Variants in HYCC1 observed in about 807,000 individuals in gnomAD.
The protein encoded by HYCC1 is hyccin PI4KA lipid kinase complex subunit 1.
chr7:22,945,914 T>C, the HYCC1 span: 7 of 1,613,926 alleles, frequency 4.3e-6, no homozygotes, highest in East Asian at 1.6e-4. Context: ...ATTCTCACTT[T>C]GGGCTCTCTG....
the HYCC1 span, among the ~76,000 whole-genome samples, chr7:22,904,376 A>T: frequency 1.3e-5 from 2 of 151,068 alleles, no homozygotes; most frequent in Non-Finnish European, 2.9e-5. Flanking sequence ...GCTTGTAGTG[A>T]GCTGAGATCG....
At chr7:22,986,771 C>T in the HYCC1 span, among the ~76,000 whole-genome samples, 1 of 152,154 alleles carries the variant, frequency 6.6e-6, no homozygotes. Context: ...TCGCTTGAAC[C>T]CGGGAGGCAG....
At chr7:22,978,571 T>A in the HYCC1 span, 1 of 815,076 alleles carries the variant, frequency 1.2e-6, no homozygotes, top group Non-Finnish European at 2.0e-6. Context: ...TTAAAATAGC[T>A]AAGTTGTAGG....
At chr7:23,001,652 C>T in the HYCC1 span, among the ~76,000 whole-genome samples, 1 of 152,164 alleles carries the variant, frequency 6.6e-6, no homozygotes, top group South Asian at 2.1e-4. Flanking sequence ...TACTTAGACC[C>T]AGCTCTGCCA....
chr7:22,999,804 T>G, the HYCC1 span, among the ~76,000 whole-genome samples: 1 of 152,174 alleles, frequency 6.6e-6, no homozygotes, highest in Non-Finnish European at 1.5e-5. Context: ...AAATATGATC[T>G]GTGTCCTCAA....
chr7:22,906,645 T>C, the HYCC1 span, among the ~76,000 whole-genome samples: 2 of 151,310 alleles, frequency 1.3e-5, no homozygotes, highest in East Asian at 3.9e-4. Flanking sequence ...AATATACTAG[T>C]ATAAAATATT....
At chr7:23,005,454 G>A in the HYCC1 span, among the ~76,000 whole-genome samples, 2 of 152,128 alleles carry the variant, frequency 1.3e-5, no homozygotes, top group African/African-American at 4.8e-5. Flanking sequence ...TGTATTTTAT[G>A]ATCTTATAGT....
the HYCC1 span, among the ~76,000 whole-genome samples, chr7:22,899,397 C>T: frequency 3.3e-5 from 5 of 152,056 alleles, no homozygotes; most frequent in Admixed American, 2.0e-4. Flanking sequence ...ACTACCTTCT[C>T]GGAAGGTTAA....
the HYCC1 span, among the ~76,000 whole-genome samples, chr7:22,962,511 G>A: frequency 6.6e-6 from 1 of 151,820 alleles, no homozygotes; most frequent in Non-Finnish European, 1.5e-5. Context: ...AAAGCCTTTG[G>A]GGAAAGAGCA....
chr7:22,995,566 C>T, the HYCC1 span, among the ~76,000 whole-genome samples: 6 of 152,098 alleles, frequency 3.9e-5, no homozygotes, highest in Non-Finnish European at 5.9e-5. Context: ...ATGGCCAAAG[C>T]TGGAACAATC....
the HYCC1 span, chr7:22,934,926 T>C: frequency 6.6e-6 from 1 of 152,184 alleles, no homozygotes; most frequent in African/African-American, 2.4e-5. Flanking sequence ...GCATAAACCA[T>C]GTTGTTTATA....
chr7:22,898,734 C>G, the HYCC1 span, among the ~76,000 whole-genome samples: 1 of 151,580 alleles, frequency 6.6e-6, no homozygotes, highest in Non-Finnish European at 1.5e-5. Flanking sequence ...TCCCAAGTAG[C>G]TGGGACTACA....
At chr7:22,959,735 A>G in the HYCC1 span, among the ~76,000 whole-genome samples, 1 of 152,164 alleles carries the variant, frequency 6.6e-6, no homozygotes. Flanking sequence ...AAGAAGGGAT[A>G]TATATATACA....
chr7:22,918,992 C>T, the HYCC1 span, among the ~76,000 whole-genome samples: 3 of 152,086 alleles, frequency 2.0e-5, no homozygotes, highest in Non-Finnish European at 2.9e-5. Flanking sequence ...AAGCCAATAA[C>T]AAAAACAAGT....
chr7:22,914,722 GCT>G, the HYCC1 span, among the ~76,000 whole-genome samples: 4 of 152,020 alleles, frequency 2.6e-5, no homozygotes, highest in East Asian at 7.7e-4. Flanking sequence ...TCCACCTCAA[GCT>G]CTGAGTCCTT....
chr7:22,925,502 T>C, the HYCC1 span, among the ~76,000 whole-genome samples: 11 of 152,094 alleles, frequency 7.2e-5, no homozygotes, highest in Non-Finnish European at 1.5e-4. Flanking sequence ...CTGATGGAGC[T>C]GAAAACCACG....
At chr7:22,904,363 G>A in the HYCC1 span, among the ~76,000 whole-genome samples, 6 of 151,348 alleles carry the variant, frequency 4.0e-5, no homozygotes, top group South Asian at 6.2e-4. Flanking sequence ...TCCAGGAGGC[G>A]GAGCTTGTAG....
chr7:23,011,393 C>T, the HYCC1 span, among the ~76,000 whole-genome samples: 1 of 152,160 alleles, frequency 6.6e-6, no homozygotes, highest in Non-Finnish European at 1.5e-5. Flanking sequence ...ATAGCCAAAA[C>T]AGAATTTATC....
the HYCC1 span, among the ~76,000 whole-genome samples, chr7:22,916,976 C>T: frequency 6.6e-6 from 1 of 152,204 alleles, no homozygotes; most frequent in African/African-American, 2.4e-5. Context: ...GGTCCTCCAT[C>T]ATTAATGCCT....
Sources: allele counts gnomAD v4.1 joint callset (sites outside exome capture counted in the v4.1 genomes callset), GRCh38; gene constraint gnomAD v4.1.1; transcripts MANE v1.5; gene names NCBI Gene and HGNC (gene_info 2026-07-23, HGNC 2026-07-21).